TRDN: variants seen among roughly 807,000 people sequenced by gnomAD.
TRDN encodes triadin.
In TRDN, 161 loss-of-function variants were observed where a neutral mutation model predicts 149.7. That is an observed-to-expected ratio of 1.08 (90% confidence interval 0.95 to 1.23). The LOEUF is 1.23. TRDN is among the 50% of genes most tolerant of loss of function. TRDN has a pLI of 0.00. For synonymous variants in TRDN, 294 were observed against 250.5 expected (o/e 1.17, Z -1.64); for missense variants, 896 against 823.5 (o/e 1.09, Z -1.08).
intron 4 of TRDN, among the ~76,000 whole-genome samples, chr6:123,541,666 T>A (rs1780843227): frequency 6.6e-6 from 1 of 152,132 alleles, no homozygotes; most frequent in Admixed American, 6.5e-5. Context: ...TTGATCTAGA[T>A]TTATTTAGAG....
chr6:123,574,001 G>C (rs1583269514), intron 1 of TRDN, among the ~76,000 whole-genome samples: 1 of 151,810 alleles, frequency 6.6e-6, no homozygotes, highest in Non-Finnish European at 1.5e-5. Flanking sequence ...ACAAAAATGA[G>C]ATAAATAACA....
rs1227069043 is a variant in TRDN at position 123,267,579 on chromosome 6, T to G, written c.1783+128A>C. On this transcript the variant is annotated intron_variant, in intron 32 of 40. Coordinates refer to ENST00000334268, the MANE Select transcript of TRDN (RefSeq NM_006073.4). ...TTAGGTCAGATAAACTAGATTACACTACAAAACCACAGGACAACACATTAC... is the reference window on the plus strand; with the variant it reads ...TTAGGTCAGATAAACTAGATTACACGACAAAACCACAGGACAACACATTAC... The G allele has an allele frequency of 5.1e-6, 3 of 587,332 alleles. No individual in the cohort carries two copies. In the East Asian group the frequency reaches 1.0e-4, roughly 19 times the overall value. 36.4% of individuals were successfully genotyped at this position (587,332 alleles called of 1,614,324 possible).
At chr6:123,335,093 C>T (rs1161240045) in intron 22 of TRDN, among the ~76,000 whole-genome samples, 1 of 151,874 alleles carries the variant, frequency 6.6e-6, no homozygotes, top group Non-Finnish European at 1.5e-5. Context: ...ACTGCAGAGG[C>T]TTTTGAAGTC....
chr6:123,355,804 T>C (rs569048335), intron 20 of TRDN, among the ~76,000 whole-genome samples: 74 of 151,870 alleles, frequency 4.9e-4, no homozygotes, highest in African/African-American at 1.7e-3. Context: ...TTCTCAAATA[T>C]GTTAAAATGT....
At chr6:123,502,025 T>C (rs1189619839) in intron 8 of TRDN, 1 of 984,466 alleles carries the variant, frequency 1.0e-6, no homozygotes, top group East Asian at 1.1e-4. Context: ...GTTAGATAAG[T>C]ATTTTGACAT....
chr6:123,535,029 A>G (rs1354987799), intron 4 of TRDN, among the ~76,000 whole-genome samples: 1 of 152,168 alleles, frequency 6.6e-6, no homozygotes, highest in Non-Finnish European at 1.5e-5. Context: ...CCATATTTGT[A>G]ACCGGTAAAT....
intron 22 of TRDN, among the ~76,000 whole-genome samples, chr6:123,334,708 T>C (rs977036682): frequency 1.3e-5 from 2 of 152,016 alleles, no homozygotes; most frequent in African/African-American, 2.4e-5. Context: ...TCCTGATTTT[T>C]TTTTTCTTTG....
chr6:123,354,189 C>T (rs995983387), intron 20 of TRDN, among the ~76,000 whole-genome samples: 19 of 151,656 alleles, frequency 1.3e-4, no homozygotes, highest in Non-Finnish European at 2.8e-4. Context: ...ATTATGTGTC[C>T]TAGAAGAAGA....
At chr6:123,458,312 A>T (rs1776252550) in intron 10 of TRDN, among the ~76,000 whole-genome samples, 1 of 152,230 alleles carries the variant, frequency 6.6e-6, no homozygotes, top group Admixed American at 6.5e-5. Flanking sequence ...TTGATCAAAG[A>T]TAAGTCTAGA....
chr6:123,269,912 C>A (rs1777149910), intron 30 of TRDN, 46 bp from the exon 31 acceptor site: 3 of 1,578,316 alleles, frequency 1.9e-6, no homozygotes, highest in Non-Finnish European at 2.6e-6. Context: ...TGAGTACAAA[C>A]CATGGAAAAA....
chr6:123,486,446 C>T (rs922645437), intron 9 of TRDN, among the ~76,000 whole-genome samples: 1 of 151,890 alleles, frequency 6.6e-6, no homozygotes, highest in Non-Finnish European at 1.5e-5. Flanking sequence ...TATAATAAGA[C>T]ACTTTTATTG....
rs1775014167 is a variant in TRDN, at chr6:123,218,095, T to C, written c.*506A>G. On this transcript the variant is annotated 3_prime_UTR_variant, in exon 41 of 41. Coordinates refer to ENST00000334268, the MANE Select transcript of TRDN (RefSeq NM_006073.4). ...AGCAAAGCCACAACTAAAATAGAAA[T>C]AGACAAAAATAAAATAAAATCATTA... 6.6e-6 allele frequency: 1 copy of C among 151,836 alleles called. No homozygotes were observed. Among genetic ancestry groups the C allele is most frequent in the Non-Finnish European group, 1.5e-5 (1 of 67,938 alleles). The allele number at this position is 151,836 out of a possible 1,614,324, so 9.4% of individuals were successfully genotyped here.
chr6:123,600,409 C>T (rs1044066899), intron 1 of TRDN, among the ~76,000 whole-genome samples: 10 of 151,886 alleles, frequency 6.6e-5, no homozygotes, highest in African/African-American at 2.4e-4. Flanking sequence ...GGAGGAATGC[C>T]CTCCTCAGAA....
chr6:123,337,354 CTT>C (rs1349368553), intron 22 of TRDN, among the ~76,000 whole-genome samples: 1 of 151,858 alleles, frequency 6.6e-6, no homozygotes, highest in African/African-American at 2.4e-5. Flanking sequence ...TATTTTTTAT[CTT>C]TTTCATTAAA....
intron 1 of TRDN, among the ~76,000 whole-genome samples, chr6:123,636,326 A>G (rs1195716716): frequency 6.6e-6 from 1 of 151,994 alleles, no homozygotes; most frequent in African/African-American, 2.4e-5. Context: ...GCTTCAAATT[A>G]CTTTTTAAGT....
At chr6:123,279,297 A>C (rs1451220297) in intron 24 of TRDN, among the ~76,000 whole-genome samples, 1 of 151,982 alleles carries the variant, frequency 6.6e-6, no homozygotes, top group East Asian at 1.9e-4. Context: ...GATAGTGTAT[A>C]TTTTCAGGTT....
At chr6:123,319,031 G>A (rs1242391567) in intron 23 of TRDN, among the ~76,000 whole-genome samples, 4 of 151,458 alleles carry the variant, frequency 2.6e-5, no homozygotes. Flanking sequence ...GACTTTAAAA[G>A]CAAGCTCATT....
intron 38 of TRDN, among the ~76,000 whole-genome samples, chr6:123,250,379 A>C (rs1335750765): frequency 3.3e-5 from 5 of 152,096 alleles, no homozygotes; most frequent in African/African-American, 1.2e-4. Context: ...TCTGAGCCCC[A>C]AAACCCACTC....
intron 39 of TRDN, among the ~76,000 whole-genome samples, chr6:123,222,884 C>T (rs76279441): frequency 1.3e-5 from 2 of 151,586 alleles, no homozygotes; most frequent in South Asian, 2.1e-4. Context: ...AATCAACAAG[C>T]GTATGAAAAA....
Sources: allele counts gnomAD v4.1 joint callset (sites outside exome capture counted in the v4.1 genomes callset), GRCh38; gene constraint gnomAD v4.1.1; transcripts MANE v1.5; gene names NCBI Gene and HGNC (gene_info 2026-07-23, HGNC 2026-07-21).